Variants in DAAM2 observed in about 807,000 individuals in gnomAD.
DAAM2 encodes dishevelled associated activator of morphogenesis 2, also known as disheveled-associated activator of morphogenesis 2.
In DAAM2, 39 loss-of-function variants were observed where a neutral mutation model predicts 120.7. The observed-to-expected ratio is 0.32, with a 90% confidence interval of 0.25 to 0.42. DAAM2 has a LOEUF of 0.42. Ranked by LOEUF, DAAM2 falls within the 10% of genes least tolerant of loss-of-function variation. DAAM2 has a pLI of 1.00. For missense variants in DAAM2, 1,283 were observed against 1,401.7 expected (o/e 0.92, Z 1.35); for synonymous variants, 488 against 524.9 (o/e 0.93, Z 0.96).
At chr6:39,810,461 T>G (rs2987600) in intron 1 of DAAM2, among the ~76,000 whole-genome samples, 151,576 of 152,278 alleles carry the variant, frequency 1, 75,443 homozygotes, top group East Asian at 1. Context: ...TTGGTGCTCT[T>G]CCCAGACCCC....
intron 1 of DAAM2, among the ~76,000 whole-genome samples, chr6:39,839,621 C>T (rs1763244767): frequency 6.6e-6 from 1 of 152,254 alleles, no homozygotes; most frequent in African/African-American, 2.4e-5. Flanking sequence ...GGCTGGAGGT[C>T]AGCCAAGCTG....
At chr6:39,883,195 T>C (rs1765212911) in intron 14 of DAAM2, among the ~76,000 whole-genome samples, 1 of 151,738 alleles carries the variant, frequency 6.6e-6, no homozygotes, top group Non-Finnish European at 1.5e-5. Flanking sequence ...TTTTTTTTTT[T>C]TTTTTGGCTT....
At chr6:39,855,634 A>G (rs1450953456) in intron 1 of DAAM2, among the ~76,000 whole-genome samples, 3 of 152,160 alleles carry the variant, frequency 2.0e-5, no homozygotes, top group Admixed American at 1.3e-4. Context: ...GCTATTTCAC[A>G]TTCATCCAAA....
chr6:39,839,132 C>T (rs1014172578), intron 1 of DAAM2, among the ~76,000 whole-genome samples: 60 of 151,908 alleles, frequency 3.9e-4, no homozygotes, highest in African/African-American at 1.2e-3. Flanking sequence ...TTAAATGCCC[C>T]GTGATTCTAC....
intron 1 of DAAM2, among the ~76,000 whole-genome samples, chr6:39,811,174 A>AGTGTGTGTGTGTGT (rs59432565): frequency 7.5e-4 from 110 of 146,558 alleles, no homozygotes; most frequent in African/African-American, 2.3e-3. Flanking sequence ...AACTGAAGGG[A>AGTGTGTGTGTGTGT]GTGTGTGTGT....
intron 22 of DAAM2, among the ~76,000 whole-genome samples, chr6:39,899,260 G>T (rs1018964868): frequency 6.6e-6 from 1 of 152,210 alleles, no homozygotes; most frequent in Non-Finnish European, 1.5e-5. Flanking sequence ...CCAGCTAGGG[G>T]CAGGAAGCAC....
intron 9 of DAAM2, among the ~76,000 whole-genome samples, chr6:39,872,068 T>C (rs1764685132): frequency 6.6e-6 from 1 of 151,988 alleles, no homozygotes; most frequent in Admixed American, 6.5e-5. Context: ...CCTAAGCTGA[T>C]TGGATGGTGA....
intron 1 of DAAM2, among the ~76,000 whole-genome samples, chr6:39,825,605 C>T (rs563818902): frequency 2.0e-5 from 3 of 152,082 alleles, no homozygotes; most frequent in East Asian, 3.9e-4. Flanking sequence ...CCCTCTCCAT[C>T]GTACCAGGGA....
intron 5 of DAAM2, among the ~76,000 whole-genome samples, chr6:39,867,051 C>G (rs1487255407): frequency 6.6e-6 from 1 of 152,170 alleles, no homozygotes; most frequent in Non-Finnish European, 1.5e-5. Context: ...TGCTAACATT[C>G]AAGATAGATA....
At chr6:39,810,391 A>C (rs545907895) in intron 1 of DAAM2, among the ~76,000 whole-genome samples, 2 of 152,370 alleles carry the variant, frequency 1.3e-5, no homozygotes, top group South Asian at 4.1e-4. Flanking sequence ...TGTAATCAAT[A>C]GAAAAAGCAA....
At chr6:39,891,470 G>A (rs777371487) in intron 18 of DAAM2, 23 bp downstream of exon 18, 2 of 1,585,186 alleles carry the variant, frequency 1.3e-6, no homozygotes, top group Admixed American at 1.8e-5. Context: ...GCATGGTGGG[G>A]ATTCAAGCAG....
In DAAM2 at chr6:39,901,040, C is replaced by T. The variant is rs931425321; in HGVS notation, c.2812-262C>T. On this transcript the variant is annotated intron_variant, in intron 23 of 24. Coordinates refer to ENST00000274867, the MANE Select transcript of DAAM2 (RefSeq NM_001201427.2). The surrounding 1 kb of genome is among the most constrained non-coding windows in gnomAD (Gnocchi z 4.5). ...GGCTTCCCAAGGTCTATACCCCTGA[C>T]CTCATGCCTACCCCTTACAGGCCCA... Among the ~76,000 whole-genome samples the T allele has an allele frequency of 9.2e-5, 14 of 152,172 alleles. No individual in the cohort carries two copies. The highest frequency in any genetic ancestry group is 2.9e-5 in the Non-Finnish European group (2 of 68,016).
intron 1 of DAAM2, among the ~76,000 whole-genome samples, chr6:39,849,360 ACT>A (rs568265167): frequency 3.0e-4 from 46 of 151,902 alleles, no homozygotes; most frequent in Non-Finnish European, 5.9e-4. Flanking sequence ...CAGAAAGAAA[ACT>A]CTCTGTAATA....
chr6:39,898,881 G>A lies in DAAM2; in HGVS notation c.2623G>A (p.Ala875Thr). 6.2e-7 allele frequency: 1 copy of A among 1,612,430 alleles called. No individual in the cohort carries two copies. The highest frequency in any genetic ancestry group is 8.5e-7 in the Non-Finnish European group (1 of 1,179,266). Residue 875 changes from alanine (A) to threonine (T), a missense_variant, in exon 22 of 25, where the codon GCA becomes ACA. This residue lies in a region of DAAM2 where 748 missense variants were observed against 768.6 expected (regional missense o/e 0.97). Transcript: ENST00000274867. ...HLPEAAKVNL[A>T]ELEKEVGNLR... ...TCCCTCTGTGTCTCCTTACAGCCTA[G>A]CAGAACTGGAGAAGGAGGTGGGCAA...
chr6:39,794,605 GA>G (rs1293308380), intron 1 of DAAM2, among the ~76,000 whole-genome samples: 1 of 152,030 alleles, frequency 6.6e-6, no homozygotes, highest in Non-Finnish European at 1.5e-5. Flanking sequence ...GAGCGTGGAG[GA>G]AGTTGAAATA....
intron 1 of DAAM2, among the ~76,000 whole-genome samples, chr6:39,794,680 T>C (rs899955734): frequency 7.2e-5 from 11 of 152,182 alleles, no homozygotes; most frequent in African/African-American, 1.9e-4. Flanking sequence ...TCCAAAGTTT[T>C]TGATGCAAAA....
At chr6:39,825,867 T>G (rs928018784) in intron 1 of DAAM2, among the ~76,000 whole-genome samples, 5 of 152,166 alleles carry the variant, frequency 3.3e-5, no homozygotes, top group South Asian at 2.1e-4. Context: ...TTGGGTAGAA[T>G]GGAATTGGAG....
rs1033696433 is a variant in DAAM2 at position 39,903,998 on chromosome 6, G to A, written c.*1961G>A. The A allele has an allele frequency of 8.4e-6, 3 of 356,318 alleles. No individual in the cohort carries two copies. The highest frequency in any genetic ancestry group is 4.3e-5 in the African/African-American group (2 of 46,722). 22.1% of individuals were successfully genotyped at this position (356,318 alleles called of 1,614,324 possible). On this transcript the variant is annotated 3_prime_UTR_variant, in exon 25 of 25. Transcript: ENST00000274867. ...CTGCAAGACAAGTGTTGGGGAAGAT[G>A]GGAGGTTGTGGGTGAGGCCTCTAAA...
chr6:39,813,231 C>A (rs750108390), intron 1 of DAAM2, among the ~76,000 whole-genome samples: 4 of 151,998 alleles, frequency 2.6e-5, no homozygotes, highest in African/African-American at 9.7e-5. Context: ...TGTGCAGTTC[C>A]TTTTGGCATG....
Sources: allele counts gnomAD v4.1 joint callset (sites outside exome capture counted in the v4.1 genomes callset), GRCh38; gene constraint gnomAD v4.1.1; regional missense constraint gnomAD v4.1.1; non-coding constraint Gnocchi (gnomAD v3.1); transcripts MANE v1.5; gene names NCBI Gene and HGNC (gene_info 2026-07-23, HGNC 2026-07-21).